Variants in SERPINA12 observed in about 807,000 individuals in gnomAD.
SERPINA12 encodes the protein serpin A12.
SERPINA12 carries 21 observed loss-of-function variants against 25.9 expected under a neutral mutation model. The ratio of observed to expected loss-of-function variants is 0.81; its 90% CI spans 0.58 to 1.17. SERPINA12 has a LOEUF of 1.17. Among genes scored for constraint, SERPINA12 ranks in the 50% most tolerant of loss-of-function variants. SERPINA12 has a pLI of 0.00. For synonymous variants in SERPINA12, 220 were observed against 196.0 expected (o/e 1.12, Z -1.02); for missense variants, 562 against 508.3 (o/e 1.11, Z -1.02).
intron 1 of SERPINA12, chr14:94,501,155 A>C: frequency 1.0e-6 from 1 of 985,404 alleles, no homozygotes; most frequent in Non-Finnish European, 1.2e-6. Flanking sequence ...GAAGGAGTCC[A>C]TTTCAGGGTT....
At chr14:94,515,098 G>T (rs1218203019) in intron 2 of SERPINA12, among the ~76,000 whole-genome samples, 1 of 152,192 alleles carries the variant, frequency 6.6e-6, no homozygotes, top group Non-Finnish European at 1.5e-5. Flanking sequence ...CTGGAGTGAT[G>T]GTCCCCAAGG....
intron 3 of SERPINA12, among the ~76,000 whole-genome samples, chr14:94,494,088 T>C (rs1900293967): frequency 6.6e-6 from 1 of 152,190 alleles, no homozygotes; most frequent in African/African-American, 2.4e-5. Flanking sequence ...CAAGCCACTG[T>C]AATTTGAGTC....
intron 1 of SERPINA12, among the ~76,000 whole-genome samples, chr14:94,508,613 T>C (rs938103928): frequency 6.6e-6 from 1 of 152,302 alleles, no homozygotes; most frequent in East Asian, 1.9e-4. Flanking sequence ...CCAGAAACCA[T>C]GTAGGAAAAG....
chr14:94,510,200 G>A (rs1050430690), upstream of SERPINA12: 1 of 985,382 alleles, frequency 1.0e-6, no homozygotes. Flanking sequence ...ATCTGTGGTT[G>A]CCTGAGAGAG....
chr14:94,498,950 A>G (rs1900592604), intron 1 of SERPINA12, among the ~76,000 whole-genome samples: 2 of 152,186 alleles, frequency 1.3e-5, no homozygotes, highest in Admixed American at 6.5e-5. Flanking sequence ...GAAGGAGAGG[A>G]GAGTGATAGA....
chr14:94,512,207 G>A (rs752729369), upstream of SERPINA12, among the ~76,000 whole-genome samples: 3 of 152,252 alleles, frequency 2.0e-5, no homozygotes, highest in South Asian at 2.1e-4. Flanking sequence ...AAAAAAAGCC[G>A]CAGCTCCATC....
At chr14:94,500,846 G>C in intron 1 of SERPINA12, 1 of 985,292 alleles carries the variant, frequency 1.0e-6, no homozygotes, top group Non-Finnish European at 1.2e-6. Context: ...CTTCCTTGAA[G>C]CCAAAAACAT....
At chr14:94,503,501 C>A (rs1050937371) in intron 1 of SERPINA12, 1 of 170,718 alleles carries the variant, frequency 5.9e-6, no homozygotes, top group Non-Finnish European at 1.2e-5. Context: ...CCCTCAAGAA[C>A]CTTCCAGCTG....
At position 94,487,495 on chromosome 14, in the gene SERPINA12, C is replaced by A. The variant is rs140198372; in HGVS notation, c.1054-1G>T. 456 of 1,599,652 alleles carry A rather than the reference C, an allele frequency of 2.9e-4. No individual in the cohort carries two copies. The highest frequency in any genetic ancestry group is 3.7e-4 in the Non-Finnish European group (434 of 1,173,222). On this transcript the variant is annotated splice_acceptor_variant, in intron 4 of 4. Coordinates refer to ENST00000677451, the MANE Select transcript of SERPINA12 (RefSeq NM_001382267.1). LOFTEE classifies it high-confidence loss of function. ...TCTTCAGCTCAGCCTTGTGCACAGCCTACGGAAGCCAAGGGCAAAGTCAAG... is the reference window on the plus strand; with the variant it reads ...TCTTCAGCTCAGCCTTGTGCACAGCATACGGAAGCCAAGGGCAAAGTCAAG...
intron 1 of SERPINA12, among the ~76,000 whole-genome samples, chr14:94,502,461 A>C (rs1237802767): frequency 2.4e-4 from 37 of 152,166 alleles, no homozygotes; most frequent in Non-Finnish European, 2.9e-5. Context: ...CAGACTCAAC[A>C]ATAATAATAT....
At chr14:94,490,814 G>A (rs117456699) in intron 3 of SERPINA12, among the ~76,000 whole-genome samples, 48 of 152,220 alleles carry the variant, frequency 3.2e-4, no homozygotes, top group Non-Finnish European at 5.0e-4. Context: ...TCAGTGAGCC[G>A]CACGTGATGG....
upstream of SERPINA12, among the ~76,000 whole-genome samples, chr14:94,512,278 C>T (rs1190733436): frequency 6.6e-6 from 1 of 152,162 alleles, no homozygotes; most frequent in Admixed American, 6.5e-5. Context: ...GAGCACAGGT[C>T]CTACAGCCAC....
upstream of SERPINA12, chr14:94,511,370 G>C: frequency 1.0e-6 from 1 of 976,538 alleles, no homozygotes; most frequent in Non-Finnish European, 1.2e-6. Flanking sequence ...AATGTCACAC[G>C]GTTATTTAAT....
chr14:94,495,078 T>A (rs1464246116), intron 3 of SERPINA12, among the ~76,000 whole-genome samples: 2,943 of 142,576 alleles, frequency 0.021, 116 homozygotes, highest in African/African-American at 0.074. Flanking sequence ...TTTTTTTTTT[T>A]TTTTTTTTGA....
intron 1 of SERPINA12, among the ~76,000 whole-genome samples, chr14:94,500,131 A>C (rs1900652273): frequency 6.6e-6 from 1 of 152,170 alleles, no homozygotes. Context: ...CAGGTTCTTC[A>C]TGTCCAAATC....
At chr14:94,511,488 T>C, upstream of SERPINA12, 4 of 985,454 alleles carry the variant, frequency 4.1e-6, no homozygotes, top group Non-Finnish European at 4.8e-6. Context: ...TGGAACTGTC[T>C]GCATGCCTCA....
At chr14:94,497,112 T>G (rs747737893) in intron 2 of SERPINA12, among the ~76,000 whole-genome samples, 2 of 152,228 alleles carry the variant, frequency 1.3e-5, no homozygotes, top group Non-Finnish European at 2.9e-5. Flanking sequence ...TGGCCTCTGA[T>G]TCTCACCTAT....
intron 1 of SERPINA12, among the ~76,000 whole-genome samples, chr14:94,516,634 C>A (rs1901241963): frequency 6.6e-6 from 1 of 152,210 alleles, no homozygotes; most frequent in African/African-American, 2.4e-5. Flanking sequence ...TTACCTGGAA[C>A]CACAGAGGGT....
At chr14:94,511,746 C>T (rs1283059221), upstream of SERPINA12, 1 of 983,956 alleles carries the variant, frequency 1.0e-6, no homozygotes, top group Non-Finnish European at 1.2e-6. Context: ...TATAATGTAC[C>T]AGGCAGCAAG....
Sources: gnomAD v4.1 joint callset for allele counts (sites outside exome capture counted in the v4.1 genomes callset) on GRCh38, gnomAD v4.1.1 for gene constraint, MANE v1.5 for transcripts, NCBI Gene and HGNC (gene_info 2026-07-23, HGNC 2026-07-21) for gene names.